CSNK1G1: variants seen among roughly 807,000 people sequenced by gnomAD.
The protein encoded by CSNK1G1 is casein kinase I isoform gamma-1.
Under a neutral mutation model 59.6 loss-of-function variants are expected in CSNK1G1, and 22 were observed. The ratio of observed to expected loss-of-function variants is 0.37; its 90% CI spans 0.26 to 0.53. The LOEUF is 0.53. Among genes scored for constraint, CSNK1G1 ranks in the 20% least tolerant of loss-of-function variants. CSNK1G1 has a pLI of 0.89. For synonymous variants in CSNK1G1, 179 were observed against 177.1 expected, an observed-to-expected ratio of 1.01 and a Z score of -0.08; for missense variants, 384 against 519.5, an observed-to-expected ratio of 0.74 and a Z score of 2.54.
chr15:64,206,397 A>AC (rs1440793167), intron 7 of CSNK1G1, among the ~76,000 whole-genome samples: 1 of 151,850 alleles, frequency 6.6e-6, no homozygotes, highest in African/African-American at 2.4e-5. Flanking sequence ...CCGAGATTGC[A>AC]CCACTGCACT....
intron 2 of CSNK1G1, among the ~76,000 whole-genome samples, chr15:64,283,280 C>A (rs370887116): frequency 2.6e-5 from 4 of 151,832 alleles, no homozygotes; most frequent in South Asian, 4.2e-4. Context: ...AATACTAGCC[C>A]ATTGTTAGAT....
In CSNK1G1 at chr15:64,305,002, C is replaced by A. The variant is rs572302540; in HGVS notation, c.-224-4279G>T. On this transcript the variant is annotated intron_variant, in intron 1 of 11. Coordinates refer to ENST00000303052, the MANE Select transcript of CSNK1G1 (RefSeq NM_022048.5). ...TTCGGCTTCAGGCATCACTTCCCAT[C>A]CTACTGTCCAAAACAGAAATAATAG... 2.0e-5 allele frequency among the ~76,000 whole-genome samples: 3 copies of A among 152,316 alleles called. No homozygotes were observed. The South Asian group carries it at 6.2e-4, about 32-fold the overall frequency.
intron 1 of CSNK1G1, among the ~76,000 whole-genome samples, chr15:64,351,600 C>A (rs1292865450): frequency 1.3e-5 from 2 of 152,176 alleles, no homozygotes; most frequent in African/African-American, 4.8e-5. Flanking sequence ...ATTATCGGGC[C>A]AGGCACGGTG....
chr15:64,201,780 G>C (rs1009235141), intron 10 of CSNK1G1, among the ~76,000 whole-genome samples: 2 of 149,052 alleles, frequency 1.3e-5, no homozygotes, highest in Non-Finnish European at 3.0e-5. Context: ...CTATATACTT[G>C]CACATGTGCA....
chr15:64,243,140 A>G (rs1891560015), intron 4 of CSNK1G1, among the ~76,000 whole-genome samples: 1 of 152,158 alleles, frequency 6.6e-6, no homozygotes, highest in Non-Finnish European at 1.5e-5. Context: ...GATCGAGACT[A>G]TCCTGGCCAA....
intron 2 of CSNK1G1, among the ~76,000 whole-genome samples, chr15:64,260,106 A>G (rs1203342395): frequency 6.6e-6 from 1 of 152,172 alleles, no homozygotes. Context: ...AGTGCTTAGT[A>G]CATATCATGT....
chr15:64,233,965 T>TC, intron 4 of CSNK1G1, among the ~76,000 whole-genome samples: 1 of 152,322 alleles, frequency 6.6e-6, no homozygotes, highest in East Asian at 1.9e-4. Flanking sequence ...TTTAAAATGT[T>TC]TCCTGACAAT....
chr15:64,251,489 T>C (rs758727988), intron 4 of CSNK1G1, 23 bp downstream of exon 4: 4 of 1,563,522 alleles, frequency 2.6e-6, no homozygotes, highest in Non-Finnish European at 2.6e-6. Context: ...ACTAAGTAAG[T>C]GGAGAGAAAA....
rs2081651308 is a variant in CSNK1G1 at position 64,170,474 on chromosome 15, G to A, written c.*1457C>T. 1 of 152,628 alleles carries A rather than the reference G, an allele frequency of 6.6e-6. No individual in the cohort carries two copies. The highest frequency in any genetic ancestry group is 6.5e-5 in the Admixed American group (1 of 15,278). 9.5% of individuals were successfully genotyped at this position (152,628 alleles called of 1,614,324 possible). On this transcript the variant is annotated 3_prime_UTR_variant, in exon 12 of 12. Coordinates refer to ENST00000303052, the MANE Select transcript of CSNK1G1 (RefSeq NM_022048.5). ...CCATATACTGCATCCTAAGCCTACTGCTATGGACCTGCTGGGAGAAGATCT... is the reference window on the plus strand; with the variant it reads ...CCATATACTGCATCCTAAGCCTACTACTATGGACCTGCTGGGAGAAGATCT...
chr15:64,278,431 TA>T lies in CSNK1G1; in HGVS notation c.182-19191del, dbSNP rs1326004630. On this transcript the variant is annotated intron_variant, in intron 2 of 11. Transcript: ENST00000303052. ...GTGTGTGTGTGTGTATATATATATA[TA>T]TTTTTTTTTTTTTGGACACAGAGTC... Among the ~76,000 whole-genome samples, 519 of 124,360 alleles carry T rather than the reference TA, an allele frequency of 4.2e-3. 6 individuals carry two copies. Among genetic ancestry groups the T allele is most frequent in the African/African-American group, 9.4e-3 (265 of 28,238 alleles). 81.6% of individuals were successfully genotyped at this position (124,360 alleles called of 152,430 possible).
chr15:64,201,900 T>C (rs2082114905), intron 10 of CSNK1G1, among the ~76,000 whole-genome samples: 2 of 152,182 alleles, frequency 1.3e-5, no homozygotes, highest in African/African-American at 2.4e-5. Flanking sequence ...ATTTTAAAAA[T>C]ATGTAATCTG....
intron 1 of CSNK1G1, among the ~76,000 whole-genome samples, chr15:64,301,855 C>A (rs1323405826): frequency 2.6e-5 from 4 of 151,712 alleles, no homozygotes; most frequent in Admixed American, 1.3e-4. Flanking sequence ...CTACTGCACT[C>A]CCACCTGAGT....
Position 64,278,436 on chromosome 15 carries a change from T to A in CSNK1G1, c.182-19195A>T, listed in dbSNP as rs575293792. 2.4e-3 allele frequency among the ~76,000 whole-genome samples: 345 copies of A among 143,752 alleles called. 4 individuals are homozygous for A. Among genetic ancestry groups the A allele is most frequent in the African/African-American group, 8.5e-3 (330 of 39,042 alleles). The allele number at this position is 143,752 out of a possible 152,430, so 94.3% of individuals were successfully genotyped here. On this transcript the variant is annotated intron_variant, in intron 2 of 11. Transcript: ENST00000303052. Reference sequence around the variant, plus strand: ...TGTGTGTGTATATATATATATATTTTTTTTTTTTTGGACACAGAGTCTCAT... The same window carrying A: ...TGTGTGTGTATATATATATATATTTATTTTTTTTTGGACACAGAGTCTCAT...
At chr15:64,278,300 G>T (rs1280993648) in intron 2 of CSNK1G1, among the ~76,000 whole-genome samples, 1 of 151,374 alleles carries the variant, frequency 6.6e-6, no homozygotes, top group Admixed American at 6.6e-5. Context: ...ACCCGCCTCG[G>T]CCTCCCAAAG....
At chr15:64,281,674 T>C (rs1286087895) in intron 2 of CSNK1G1, among the ~76,000 whole-genome samples, 1 of 151,880 alleles carries the variant, frequency 6.6e-6, no homozygotes. Context: ...CCCATCTCTA[T>C]TTAAAAAATA....
Position 64,216,737 on chromosome 15 carries a change from G to A in CSNK1G1, c.293-24C>T. 1.2e-6 allele frequency: 2 copies of A among 1,609,152 alleles called. No homozygotes were observed. Among genetic ancestry groups the A allele is most frequent in the Non-Finnish European group, 1.7e-6 (2 of 1,176,380 alleles). On this transcript the variant is annotated intron_variant, in intron 4 of 11. Transcript: ENST00000303052. The surrounding 1 kb of genome is among the most constrained non-coding windows in gnomAD (Gnocchi z 4.6). ...ACCTGAAAGCAGAGGGGAAATGGGG[G>A]TATACAGTGGGAGACACAAAAGCCA...
intron 1 of CSNK1G1, among the ~76,000 whole-genome samples, chr15:64,322,940 G>GC (rs989044015): frequency 6.8e-6 from 1 of 146,466 alleles, no homozygotes; most frequent in Non-Finnish European, 1.5e-5. Context: ...TTTTTGGGTT[G>GC]TTTTTTTTTT....
At chr15:64,191,246 G>C (rs1385697844) in intron 10 of CSNK1G1, among the ~76,000 whole-genome samples, 1 of 152,102 alleles carries the variant, frequency 6.6e-6, no homozygotes, top group Non-Finnish European at 1.5e-5. Flanking sequence ...ATTTTTAGTA[G>C]AGACGCGGTT....
chr15:64,260,594 C>T (rs1477358101), intron 2 of CSNK1G1, among the ~76,000 whole-genome samples: 5 of 151,714 alleles, frequency 3.3e-5, no homozygotes, highest in East Asian at 3.9e-4. Flanking sequence ...AAAAATTAGC[C>T]GGGGGTGGTG....
Sources: allele counts gnomAD v4.1 joint callset (sites outside exome capture counted in the v4.1 genomes callset), GRCh38; gene constraint gnomAD v4.1.1; non-coding constraint Gnocchi (gnomAD v3.1); transcripts MANE v1.5; gene names NCBI Gene and HGNC (gene_info 2026-07-23, HGNC 2026-07-21).